PARD3: variants seen among roughly 807,000 people sequenced by gnomAD.
PARD3 encodes par-3 family cell polarity regulator, also known as partitioning defective 3 homolog.
Under a neutral mutation model 155.4 loss-of-function variants are expected in PARD3, and 75 were observed. The observed-to-expected ratio is 0.48, with a 90% CI of 0.40 to 0.58. The LOEUF (loss-of-function observed/expected upper bound fraction) is 0.58. Ranked by LOEUF, PARD3 falls within the 20% of genes least tolerant of loss-of-function variation. The pLI is 0.00. For synonymous variants in PARD3, 576 were observed against 610.5 expected (o/e 0.94, Z 0.83); for missense variants, 1,642 against 1,721.7 (o/e 0.95, Z 0.82).
rs540079830 is a variant in PARD3, at chr10:34,447,905, C to T, written c.714+2412G>A. On this transcript the variant is annotated intron_variant, in intron 5 of 24. Transcript: ENST00000374788. ...CTGGTGGTAATGTAAATTAGGACAGCCTCTATGAAACAGTAAGAAGTCTCC... is the reference window on the plus strand; with the variant it reads ...CTGGTGGTAATGTAAATTAGGACAGTCTCTATGAAACAGTAAGAAGTCTCC... 8.3e-4 allele frequency among the ~76,000 whole-genome samples: 126 copies of T among 152,110 alleles called. 1 individual carries two copies. Among genetic ancestry groups the T allele is most frequent in the Admixed American group, 8.3e-3 (126 of 15,270 alleles).
chr10:34,313,665 TA>T (rs1957824621), intron 20 of PARD3, among the ~76,000 whole-genome samples: 1 of 152,190 alleles, frequency 6.6e-6, no homozygotes, highest in South Asian at 2.1e-4. Flanking sequence ...GTAGAGTTTT[TA>T]AAACAAGGCC....
chr10:34,258,008 A>G (rs776819210), intron 22 of PARD3, among the ~76,000 whole-genome samples: 6 of 152,334 alleles, frequency 3.9e-5, no homozygotes, highest in Non-Finnish European at 7.3e-5. Flanking sequence ...AGAGCCACGT[A>G]ATTCACCCAT....
chr10:34,660,931 A>C (rs552800887), intron 2 of PARD3, among the ~76,000 whole-genome samples: 3 of 152,146 alleles, frequency 2.0e-5, no homozygotes, highest in Non-Finnish European at 2.9e-5. Flanking sequence ...ATTTATCCCT[A>C]ATACTCAATA....
At chr10:34,650,802 A>G (rs1029759360) in intron 2 of PARD3, among the ~76,000 whole-genome samples, 8 of 152,144 alleles carry the variant, frequency 5.3e-5, no homozygotes, top group African/African-American at 1.4e-4. Context: ...ACCTGAGGTC[A>G]GGAGTTCAAG....
intron 2 of PARD3, among the ~76,000 whole-genome samples, chr10:34,665,902 G>A (rs71493752): frequency 3.7e-5 from 5 of 133,684 alleles, no homozygotes; most frequent in African/African-American, 1.1e-4. Context: ...GAACAGAACA[G>A]AACAAAAAGA....
At chr10:34,418,693 T>A (rs1845900973) in intron 5 of PARD3, among the ~76,000 whole-genome samples, 1 of 152,180 alleles carries the variant, frequency 6.6e-6, no homozygotes, top group South Asian at 2.1e-4. Flanking sequence ...TCACTGTAGT[T>A]GACATAAAAA....
At chr10:34,400,061 C>CT (rs1843725131) in intron 6 of PARD3, among the ~76,000 whole-genome samples, 1 of 152,178 alleles carries the variant, frequency 6.6e-6, no homozygotes, top group Non-Finnish European at 1.5e-5. Flanking sequence ...TATAAGAGTG[C>CT]TACAAGTGCA....
intron 2 of PARD3, among the ~76,000 whole-genome samples, chr10:34,656,197 G>T (rs2093162149): frequency 6.6e-6 from 1 of 151,916 alleles, no homozygotes; most frequent in Admixed American, 6.6e-5. Flanking sequence ...AATGTTAATG[G>T]GCTTCTCTTA....
At chr10:34,515,366 T>C (rs1232945636) in intron 3 of PARD3, among the ~76,000 whole-genome samples, 4 of 152,264 alleles carry the variant, frequency 2.6e-5, no homozygotes, top group African/African-American at 9.6e-5. Context: ...ATATAAAAAA[T>C]ATTCAACTAA....
At chr10:34,261,821 G>GAAAGAAAC (rs1178094919) in intron 22 of PARD3, among the ~76,000 whole-genome samples, 1 of 102,804 alleles carries the variant, frequency 9.7e-6, no homozygotes, top group East Asian at 2.8e-4. Context: ...AAGAAAGAAA[G>GAAAGAAAC]AAAGAAACAA....
intron 2 of PARD3, among the ~76,000 whole-genome samples, chr10:34,554,556 G>C (rs959156541): frequency 6.6e-6 from 1 of 152,048 alleles, no homozygotes; most frequent in Non-Finnish European, 1.5e-5. Flanking sequence ...AATTTAAAAG[G>C]GAGGATATAG....
intron 3 of PARD3, among the ~76,000 whole-genome samples, chr10:34,498,103 A>C (rs1222910072): frequency 9.9e-5 from 15 of 152,198 alleles, no homozygotes; most frequent in Admixed American, 9.8e-4. Flanking sequence ...ATTTACCAAT[A>C]AGATTGTAGG....
rs368504291 is a variant in PARD3, at chr10:34,743,959, G to A, written c.121-47540C>T. On this transcript the variant is annotated intron_variant, in intron 1 of 24. Coordinates refer to ENST00000374788, the MANE Select transcript of PARD3 (RefSeq NM_001184785.2). ...ACTCCCTTTGCACTCATGGCTGCCT[G>A]GAGAATTGCTCAGAGTAACAGCATG... Among the ~76,000 whole-genome samples the A allele has an allele frequency of 2.6e-5, 4 of 152,150 alleles. No individual in the cohort carries two copies. The East Asian group carries it at 7.7e-4, about 29-fold the overall frequency.
intron 1 of PARD3, among the ~76,000 whole-genome samples, chr10:34,750,599 G>A (rs1835902975): frequency 1.3e-5 from 2 of 151,908 alleles, no homozygotes; most frequent in South Asian, 4.2e-4. Flanking sequence ...TTAGGGGCAG[G>A]GAGCCTTATT....
At chr10:34,355,933 AAAAAAAAAAAAAAC>A (rs1838774743) in intron 14 of PARD3, among the ~76,000 whole-genome samples, 1 of 128,254 alleles carries the variant, frequency 7.8e-6, no homozygotes, top group Non-Finnish European at 1.5e-5. Flanking sequence ...TCAAAAAAAA[AAAAAAAAAAAAAAC>A]AAAACAAAAC....
rs1564405427 is a variant in PARD3, at chr10:34,605,585, ATATCTCCTATATATATATATCTCC to A, written c.223-88450_223-88427del. On this transcript the variant is annotated intron_variant, in intron 2 of 24. Transcript: ENST00000374788. The stretch of plus-strand genomic sequence containing the variant: ...CTATATATATATATATCTCCTATAT[ATATCTCCTATATATATATATCTCC>A]TATATATATATCTCCTATATATATA... Among the ~76,000 whole-genome samples, 121 of 50,590 alleles carry A rather than the reference ATATCTCCTATATATATATATCTCC, an allele frequency of 2.4e-3. 9 individuals are homozygous for A. Among genetic ancestry groups the A allele is most frequent in the African/African-American group, 6.5e-3 (40 of 6,174 alleles). 33.2% of individuals were successfully genotyped at this position (50,590 alleles called of 152,430 possible).
At chr10:34,256,233 T>C (rs1954646218) in intron 22 of PARD3, among the ~76,000 whole-genome samples, 1 of 152,246 alleles carries the variant, frequency 6.6e-6, no homozygotes, top group Non-Finnish European at 1.5e-5. Flanking sequence ...ACTGAAGCTT[T>C]TGTCCGAATT....
chr10:34,579,552 C>CTG (rs1316450167), intron 2 of PARD3, among the ~76,000 whole-genome samples: 835 of 62,492 alleles, frequency 0.013, 7 homozygotes, highest in Admixed American at 0.049. Flanking sequence ...CTACCATTTT[C>CTG]TCTGTGTGTG....
intron 2 of PARD3, 29 bp from the exon 3 acceptor site, chr10:34,517,188 T>A: frequency 6.3e-7 from 1 of 1,596,646 alleles, no homozygotes; most frequent in South Asian, 1.1e-5. Context: ...TGTGCACTTA[T>A]AAATAAAGGC....
Sources: allele counts gnomAD v4.1 joint callset (sites outside exome capture counted in the v4.1 genomes callset), GRCh38; gene constraint gnomAD v4.1.1; transcripts MANE v1.5; gene names NCBI Gene and HGNC (gene_info 2026-07-23, HGNC 2026-07-21).